ROBO2: variants seen among roughly 807,000 people sequenced by gnomAD.
The protein encoded by ROBO2 is roundabout homolog 2.
A neutral mutation model predicts 160.8 loss-of-function variants in ROBO2; 53 were observed. That is an observed-to-expected ratio of 0.33 (90% CI 0.26 to 0.41). The LOEUF (loss-of-function observed/expected upper bound fraction) is 0.41. Among genes scored for constraint, ROBO2 ranks in the 10% least tolerant of loss-of-function variants. The probability of loss-of-function intolerance (pLI) is 1.00; values close to 1 mark genes in which losing one functional copy is unlikely to be tolerated. For synonymous variants in ROBO2, 664 were observed against 611.7 expected (o/e 1.09, Z -1.26); for missense variants, 1,577 against 1,722.4 (o/e 0.92, Z 1.49).
chr3:77,546,548 T>A (rs191492201), intron 7 of ROBO2, 86 bp downstream of exon 8: 3 of 1,497,786 alleles, frequency 2.0e-6, no homozygotes, highest in East Asian at 4.5e-5. Flanking sequence ...GCTTCTCTTG[T>A]TCTCAATGTT....
intron 1 of ROBO2, among the ~76,000 whole-genome samples, chr3:75,930,348 G>A (rs1411010482): frequency 2.6e-5 from 4 of 151,934 alleles, no homozygotes; most frequent in East Asian, 3.9e-4. Flanking sequence ...CAATCCATCC[G>A]TACTCTCTTG....
At chr3:76,976,386 G>A (rs745964075) in intron 2 of ROBO2, among the ~76,000 whole-genome samples, 1 of 152,106 alleles carries the variant, frequency 6.6e-6, no homozygotes, top group Non-Finnish European at 1.5e-5. Flanking sequence ...TGTCATCAAC[G>A]TAATTTTTGT....
At chr3:76,510,585 G>A (rs1020712173) in intron 2 of ROBO2, among the ~76,000 whole-genome samples, 17 of 152,108 alleles carry the variant, frequency 1.1e-4, no homozygotes, top group African/African-American at 2.7e-4. Flanking sequence ...TTAGCCAGAT[G>A]TGGTGGCAGG....
At chr3:76,775,870 A>G (rs939769771) in intron 2 of ROBO2, among the ~76,000 whole-genome samples, 2 of 150,820 alleles carry the variant, frequency 1.3e-5, no homozygotes, top group South Asian at 2.1e-4. Flanking sequence ...GGAAAAAAGT[A>G]TGTAGCACCT....
intron 2 of ROBO2, among the ~76,000 whole-genome samples, chr3:76,438,904 C>A (rs1232664458): frequency 6.6e-6 from 1 of 151,096 alleles, no homozygotes; most frequent in Non-Finnish European, 1.5e-5. Context: ...ATAAAGTTCA[C>A]AAGAGAAAAG....
chr3:76,953,289 GAA>G (rs1455624841), intron 2 of ROBO2, among the ~76,000 whole-genome samples: 1 of 152,132 alleles, frequency 6.6e-6, no homozygotes, highest in Non-Finnish European at 1.5e-5. Flanking sequence ...TTGAAATTAA[GAA>G]AGATTTACGT....
chr3:76,616,904 G>A (rs367787704), intron 2 of ROBO2, among the ~76,000 whole-genome samples: 2 of 152,082 alleles, frequency 1.3e-5, no homozygotes, highest in African/African-American at 4.8e-5. Flanking sequence ...GTGACTACAG[G>A]CATGTGCCAC....
At chr3:77,552,729 G>C (rs897836578) in intron 8 of ROBO2, among the ~76,000 whole-genome samples, 1 of 151,970 alleles carries the variant, frequency 6.6e-6, no homozygotes, top group Non-Finnish European at 1.5e-5. Context: ...CAGTGTTGTT[G>C]ATTTTGACAG....
intron 1 of ROBO2, among the ~76,000 whole-genome samples, chr3:77,075,650 C>T (rs1179754020): frequency 2.1e-5 from 3 of 145,706 alleles, no homozygotes; most frequent in Non-Finnish European, 4.5e-5. Flanking sequence ...TTCAAATATA[C>T]ACTACTATTT....
intron 2 of ROBO2, among the ~76,000 whole-genome samples, chr3:76,381,433 C>G (rs1200105562): frequency 6.6e-6 from 1 of 152,060 alleles, no homozygotes; most frequent in Non-Finnish European, 1.5e-5. Context: ...TCACTGCAAC[C>G]TCCACCTCCC....
intron 2 of ROBO2, among the ~76,000 whole-genome samples, chr3:76,159,558 T>C (rs1208597756): frequency 6.6e-6 from 1 of 152,152 alleles, no homozygotes; most frequent in African/African-American, 2.4e-5. Context: ...GGGACTGAGC[T>C]GGGGATAGCT....
At chr3:77,099,411 G>T (rs2071592278) in intron 2 of ROBO2, among the ~76,000 whole-genome samples, 1 of 152,232 alleles carries the variant, frequency 6.6e-6, no homozygotes, top group African/African-American at 2.4e-5. Flanking sequence ...ACCCCCGGAT[G>T]CTGGAAATGT....
intron 2 of ROBO2, among the ~76,000 whole-genome samples, chr3:75,953,339 G>A (rs1159157677): frequency 6.6e-6 from 1 of 151,824 alleles, no homozygotes; most frequent in Non-Finnish European, 1.5e-5. Context: ...GCTATGACTT[G>A]CAGTTCCCTA....
At chr3:76,746,268 A>G (rs1324544798) in intron 2 of ROBO2, among the ~76,000 whole-genome samples, 1 of 151,708 alleles carries the variant, frequency 6.6e-6, no homozygotes, top group Non-Finnish European at 1.5e-5. Context: ...AGTCTTTGCT[A>G]TCGTGAATAG....
At chr3:77,095,668 T>A (rs2070950006) in intron 1 of ROBO2, among the ~76,000 whole-genome samples, 1 of 152,206 alleles carries the variant, frequency 6.6e-6, no homozygotes, top group African/African-American at 2.4e-5. Flanking sequence ...TATTTTAAGA[T>A]CAGAGTCTAC....
At chr3:76,617,767 A>ACTCACGCCTGTAATCCCAGCACTTT (rs1578577516) in intron 2 of ROBO2, among the ~76,000 whole-genome samples, 5 of 151,880 alleles carry the variant, frequency 3.3e-5, no homozygotes, top group African/African-American at 9.7e-5. Flanking sequence ...TAAAGAAAAG[A>ACTCACGCCTGTAATCCCAGCACTTT]GATGTAACTG....
intron 22 of ROBO2, among the ~76,000 whole-genome samples, chr3:77,618,572 G>A (rs1231803134): frequency 6.6e-6 from 1 of 151,964 alleles, no homozygotes; most frequent in Non-Finnish European, 1.5e-5. Context: ...TTCTTCTGTT[G>A]ATTTACCCTT....
Position 76,203,355 on chromosome 3 carries a change from CCT to C in ROBO2, c.109+265754_109+265755del, listed in dbSNP as rs567161239. ...AGATTGCCTCAGGCTATCAGCTTCC[CCT>C]GTCAACAGATCACAGGTCAGGGTTC... On this transcript the variant is annotated intron_variant, in intron 2 of 26. Coordinates refer to the ROBO2 transcript ENST00000487694. Among the ~76,000 whole-genome samples, 22 of 152,326 alleles carry C rather than the reference CCT, an allele frequency of 1.4e-4. 1 individual carries two copies. In the East Asian group the frequency reaches 3.9e-3, roughly 27 times the overall value.
chr3:76,445,095 G>A (rs72900537), intron 2 of ROBO2, among the ~76,000 whole-genome samples: 4,433 of 151,978 alleles, frequency 0.029, 230 homozygotes, highest in African/African-American at 0.099. Context: ...TACTATCACC[G>A]ACTACAGTTT....
Sources: gnomAD v4.1 joint callset for allele counts (sites outside exome capture counted in the v4.1 genomes callset) on GRCh38, gnomAD v4.1.1 for gene constraint, MANE v1.5 for transcripts, NCBI Gene and HGNC (gene_info 2026-07-23, HGNC 2026-07-21) for gene names.